ANKS1B: variants seen among roughly 807,000 people sequenced by gnomAD.
ANKS1B encodes the protein ankyrin repeat and sterile alpha motif domain-containing protein 1B.
A neutral mutation model predicts 148.3 loss-of-function variants in ANKS1B; 36 were observed. The observed-to-expected ratio is 0.24, with a 90% CI of 0.19 to 0.32. The LOEUF (loss-of-function observed/expected upper bound fraction) is 0.32, where lower values mean the gene tolerates loss of function less well. Ranked by LOEUF, ANKS1B falls within the 10% of genes least tolerant of loss-of-function variation. ANKS1B has a pLI of 1.00. For synonymous variants in ANKS1B, 542 were observed against 560.8 expected, an observed-to-expected ratio of 0.97 and a Z score of 0.47; for missense variants, 1,157 against 1,542.6, an observed-to-expected ratio of 0.75 and a Z score of 4.19.
At chr12:99,591,734 T>TAAAGGGTAGCAC (rs1402001233) in intron 9 of ANKS1B, among the ~76,000 whole-genome samples, 4 of 152,050 alleles carry the variant, frequency 2.6e-5, no homozygotes, top group African/African-American at 9.7e-5. Context: ...GGCCCATATC[T>TAAAGGGTAGCAC]AAAGGGTAGC....
At chr12:99,705,999 G>A (rs1333193337) in intron 8 of ANKS1B, among the ~76,000 whole-genome samples, 2 of 152,118 alleles carry the variant, frequency 1.3e-5, no homozygotes, top group African/African-American at 4.8e-5. Context: ...TCAGGGTTTA[G>A]CCTATGGATC....
At chr12:99,109,090 C>G (rs78872374) in intron 15 of ANKS1B, among the ~76,000 whole-genome samples, 1,568 of 152,220 alleles carry the variant, frequency 0.01, 21 homozygotes, top group Non-Finnish European at 0.014. Flanking sequence ...CTGATACCTG[C>G]CCTCAAGGTT....
Position 99,726,983 on chromosome 12 carries a change from C to T in ANKS1B, c.1128+45939G>A, listed in dbSNP as rs576570897. Among the ~76,000 whole-genome samples the T allele has an allele frequency of 3.3e-5, 5 of 152,172 alleles. No homozygotes were observed. The South Asian group carries it at 6.2e-4, about 19-fold the overall frequency. ...CTCAATAAACTAGATATTGATGGAACATATCTCAAAATAATCAGAGCTATT... is the reference window on the plus strand; with the variant it reads ...CTCAATAAACTAGATATTGATGGAATATATCTCAAAATAATCAGAGCTATT... On this transcript the variant is annotated intron_variant, in intron 8 of 26. Transcript: ENST00000683438.
At chr12:99,028,350 T>C (rs1232153657) in intron 17 of ANKS1B, among the ~76,000 whole-genome samples, 1 of 152,204 alleles carries the variant, frequency 6.6e-6, no homozygotes, top group East Asian at 1.9e-4. Context: ...TTTTGCTCAA[T>C]GGGAAGACTA....
intron 12 of ANKS1B, among the ~76,000 whole-genome samples, chr12:99,268,017 A>C (rs1421731667): frequency 2.0e-5 from 3 of 152,226 alleles, no homozygotes; most frequent in Non-Finnish European, 4.4e-5. Context: ...TAATCAGCAT[A>C]AGTGGGACTC....
chr12:99,647,743 G>A, intron 9 of ANKS1B: 1 of 181,676 alleles, frequency 5.5e-6, no homozygotes. Flanking sequence ...GTCCTGCGGG[G>A]TGGTTTAGCA....
At chr12:99,545,580 G>C (rs1017582608) in intron 9 of ANKS1B, among the ~76,000 whole-genome samples, 3 of 151,782 alleles carry the variant, frequency 2.0e-5, no homozygotes, top group Non-Finnish European at 4.4e-5. Flanking sequence ...TTCTTTTCTT[G>C]ACTAGAGTTT....
At chr12:99,251,026 C>G (rs930178021) in intron 12 of ANKS1B, among the ~76,000 whole-genome samples, 5 of 151,106 alleles carry the variant, frequency 3.3e-5, no homozygotes, top group African/African-American at 1.2e-4. Context: ...TGCCTGGGTC[C>G]TCACATGGTG....
chr12:98,870,945 T>G (rs932030910), intron 17 of ANKS1B, among the ~76,000 whole-genome samples: 2 of 152,240 alleles, frequency 1.3e-5, no homozygotes, highest in South Asian at 4.1e-4. Flanking sequence ...CCTCTGATTA[T>G]TCAGACTGGG....
intron 17 of ANKS1B, among the ~76,000 whole-genome samples, chr12:98,834,118 T>G (rs547471128): frequency 6.6e-6 from 1 of 152,318 alleles, no homozygotes; most frequent in African/African-American, 2.4e-5. Context: ...CCAAGGTGAA[T>G]GTCCCCATGC....
Position 98,773,191 on chromosome 12 carries a change from G to T in ANKS1B, c.3442-12C>A. 6.3e-7 allele frequency: 1 copy of T among 1,596,878 alleles called. No homozygotes were observed. Among genetic ancestry groups the T allele is most frequent in the South Asian group, 1.1e-5 (1 of 87,584 alleles). On this transcript the variant is annotated splice_polypyrimidine_tract_variant and intron_variant, in intron 24 of 26. Transcript: ENST00000683438. ...TCAGCAATTATGTTCTGGAAGAAAT[G>T]ACATAAATGATCATTGTTTTCCTCT...
At chr12:99,313,896 T>C (rs1010297161) in intron 12 of ANKS1B, among the ~76,000 whole-genome samples, 4 of 152,134 alleles carry the variant, frequency 2.6e-5, no homozygotes, top group Non-Finnish European at 5.9e-5. Flanking sequence ...CTATTCAACA[T>C]AGTATTGGAA....
At chr12:99,890,257 A>G in intron 1 of ANKS1B, among the ~76,000 whole-genome samples, 1 of 152,200 alleles carries the variant, frequency 6.6e-6, no homozygotes, top group Non-Finnish European at 1.5e-5. Context: ...TTAACATTTA[A>G]ATCAGTAGAC....
intron 15 of ANKS1B, among the ~76,000 whole-genome samples, chr12:99,095,730 A>G (rs2055822968): frequency 6.6e-6 from 1 of 152,198 alleles, no homozygotes; most frequent in East Asian, 1.9e-4. Context: ...TTAGGCAGAC[A>G]GGGGTATGAT....
intron 11 of ANKS1B, among the ~76,000 whole-genome samples, chr12:99,416,495 T>C (rs1236535030): frequency 2.0e-5 from 3 of 152,248 alleles, no homozygotes; most frequent in African/African-American, 7.2e-5. Flanking sequence ...CTCTGTATCC[T>C]TGCCAGCATT....
chr12:99,439,867 T>G (rs1421296611), intron 11 of ANKS1B, among the ~76,000 whole-genome samples: 2 of 151,428 alleles, frequency 1.3e-5, no homozygotes, highest in African/African-American at 4.8e-5. Flanking sequence ...CTCATAATGG[T>G]AAACAATGGG....
At chr12:99,632,004 T>C (rs1459437790) in intron 9 of ANKS1B, among the ~76,000 whole-genome samples, 1 of 152,164 alleles carries the variant, frequency 6.6e-6, no homozygotes, top group East Asian at 1.9e-4. Flanking sequence ...TTCAGAAATC[T>C]TCAAGGCTCT....
At chr12:99,350,414 G>A (rs572618502) in intron 12 of ANKS1B, among the ~76,000 whole-genome samples, 47 of 151,776 alleles carry the variant, frequency 3.1e-4, no homozygotes, top group African/African-American at 1.1e-3. Flanking sequence ...TTATTAGAAG[G>A]GATTAAAAAC....
chr12:99,269,545 C>G (rs1353410025), intron 12 of ANKS1B, among the ~76,000 whole-genome samples: 1 of 151,428 alleles, frequency 6.6e-6, no homozygotes, highest in African/African-American at 2.4e-5. Context: ...GTAAATTCAC[C>G]AATTCAAAAG....
Sources: allele counts gnomAD v4.1 joint callset (sites outside exome capture counted in the v4.1 genomes callset), GRCh38; gene constraint gnomAD v4.1.1; transcripts MANE v1.5; gene names NCBI Gene and HGNC (gene_info 2026-07-23, HGNC 2026-07-21).